Variants in SLC35F3 observed in about 807,000 individuals in gnomAD.
SLC35F3 encodes putative thiamine transporter SLC35F3.
In SLC35F3, 25 loss-of-function variants were observed where a neutral mutation model predicts 49.9. The observed-to-expected ratio is 0.50, with a 90% confidence interval of 0.37 to 0.70. The LOEUF (loss-of-function observed/expected upper bound fraction) is 0.70. Ranked by LOEUF, SLC35F3 falls within the 30% of genes least tolerant of loss-of-function variation. The pLI, the probability that SLC35F3 is intolerant of heterozygous loss-of-function variation, is 0.00. For synonymous variants in SLC35F3, 275 were observed against 265.4 expected (o/e 1.04, Z -0.35); for missense variants, 525 against 639.8 (o/e 0.82, Z 1.94).
intron 2 of SLC35F3, among the ~76,000 whole-genome samples, chr1:233,912,431 C>G (rs540494977): frequency 6.6e-6 from 1 of 152,004 alleles, no homozygotes; most frequent in Non-Finnish European, 1.5e-5. Context: ...GAGCCGAGAT[C>G]GTGCCACTGC....
intron 2 of SLC35F3, among the ~76,000 whole-genome samples, chr1:233,980,431 G>C (rs959237568): frequency 6.6e-6 from 1 of 152,180 alleles, no homozygotes; most frequent in African/African-American, 2.4e-5. Flanking sequence ...TCCGCATCAT[G>C]CTACTCCCAC....
chr1:234,077,957 G>A (rs1664821459), intron 2 of SLC35F3, among the ~76,000 whole-genome samples: 1 of 152,136 alleles, frequency 6.6e-6, no homozygotes, highest in Admixed American at 6.5e-5. Flanking sequence ...ATGTCAGGGA[G>A]GAATTACTTC....
chr1:234,302,111 T>C (rs1377978815), intron 3 of SLC35F3, among the ~76,000 whole-genome samples: 1 of 151,894 alleles, frequency 6.6e-6, no homozygotes, highest in Non-Finnish European at 1.5e-5. Flanking sequence ...GGCATGCATG[T>C]ACCTATGTAA....
intron 2 of SLC35F3, among the ~76,000 whole-genome samples, chr1:234,139,999 T>TAAAATAAAATAAAA (rs1299007462): frequency 2.7e-5 from 3 of 110,002 alleles, no homozygotes; most frequent in Non-Finnish European, 6.7e-5. Context: ...TAAAATAAAA[T>TAAAATAAAATAAAA]AAAGTAAGTG....
chr1:234,114,477 TACTATTAGTTTGAAGGG>T (rs1247926961), intron 2 of SLC35F3, among the ~76,000 whole-genome samples: 1 of 152,146 alleles, frequency 6.6e-6, no homozygotes, highest in Non-Finnish European at 1.5e-5. Context: ...TTTAATGGAG[TACTATTAGTTTGAAGGG>T]AGAATTGCAG....
intron 2 of SLC35F3, among the ~76,000 whole-genome samples, chr1:233,906,248 C>T (rs989884942): frequency 3.3e-5 from 5 of 152,208 alleles, no homozygotes; most frequent in South Asian, 4.2e-4. Flanking sequence ...TTTTGGATGC[C>T]GTTCACGCCC....
At chr1:233,983,398 C>A (rs1455028785) in intron 2 of SLC35F3, among the ~76,000 whole-genome samples, 1 of 152,112 alleles carries the variant, frequency 6.6e-6, no homozygotes, top group Admixed American at 6.6e-5. Context: ...AAATAATATC[C>A]TCCCTACAAA....
intron 2 of SLC35F3, among the ~76,000 whole-genome samples, chr1:234,125,023 G>C (rs1486086181): frequency 6.6e-6 from 1 of 152,168 alleles, no homozygotes; most frequent in African/African-American, 2.4e-5. Context: ...CCTTGTGCCA[G>C]ATTCTAGGCA....
At chr1:234,319,747 C>A (rs1373343744) in intron 6 of SLC35F3, among the ~76,000 whole-genome samples, 1 of 151,822 alleles carries the variant, frequency 6.6e-6, no homozygotes, top group Non-Finnish European at 1.5e-5. Context: ...AAACAAAAAA[C>A]AATTCCCAGA....
At chr1:234,272,213 A>G (rs12750607) in intron 3 of SLC35F3, 48,578 of 152,138 alleles carry the variant, frequency 0.32, 8,097 homozygotes, top group Non-Finnish European at 0.35. Flanking sequence ...TGGCCCTCCT[A>G]ATGGAATATT....
intron 2 of SLC35F3, among the ~76,000 whole-genome samples, chr1:234,123,566 T>C (rs1035779620): frequency 4.2e-5 from 6 of 141,776 alleles, no homozygotes; most frequent in Admixed American, 1.5e-4. Context: ...TGTGCCACCA[T>C]GCCTGGTTAA....
intron 2 of SLC35F3, among the ~76,000 whole-genome samples, chr1:234,016,882 G>T (rs74145773): frequency 6.6e-6 from 1 of 152,300 alleles, no homozygotes; most frequent in African/African-American, 2.4e-5. Context: ...CCAGGAGGAA[G>T]GGGGAGGCAG....
At chr1:234,281,617 A>G (rs1210892436) in intron 3 of SLC35F3, among the ~76,000 whole-genome samples, 1 of 152,246 alleles carries the variant, frequency 6.6e-6, no homozygotes, top group Non-Finnish European at 1.5e-5. Flanking sequence ...TTTAAAATAG[A>G]ATCCTGAGAC....
At chr1:233,932,045 A>G (rs76994440) in intron 2 of SLC35F3, among the ~76,000 whole-genome samples, 14,938 of 152,238 alleles carry the variant, frequency 0.098, 896 homozygotes, top group East Asian at 0.14. Flanking sequence ...TCACAAGAGC[A>G]GAAAACCAAA....
intron 3 of SLC35F3, among the ~76,000 whole-genome samples, chr1:234,235,342 CAG>C (rs1667448111): frequency 6.6e-6 from 1 of 152,194 alleles, no homozygotes; most frequent in Non-Finnish European, 1.5e-5. Context: ...GCCCAGAACT[CAG>C]AGAGGGCTTC....
intron 2 of SLC35F3, among the ~76,000 whole-genome samples, chr1:233,951,222 A>G (rs555006841): frequency 2.0e-5 from 3 of 151,320 alleles, no homozygotes; most frequent in Non-Finnish European, 2.9e-5. Flanking sequence ...ATGCTGCCAT[A>G]AGATTATACT....
chr1:234,306,884 G>A (rs1045602368), intron 3 of SLC35F3, among the ~76,000 whole-genome samples: 4 of 152,184 alleles, frequency 2.6e-5, no homozygotes, highest in South Asian at 2.1e-4. Context: ...TGTTTTTCAT[G>A]ACAGTGAGCC....
intron 2 of SLC35F3, among the ~76,000 whole-genome samples, chr1:233,922,337 A>G (rs1571980421): frequency 2.0e-5 from 3 of 152,066 alleles, no homozygotes; most frequent in African/African-American, 4.8e-5. Context: ...CGCCATTCTA[A>G]CTGGTGTGAG....
At position 234,266,922 on chromosome 1, in the gene SLC35F3, G is replaced by A. The variant is rs573693700; in HGVS notation, c.608+35181G>A. Among the ~76,000 whole-genome samples, 107 of 110,978 alleles carry A rather than the reference G, an allele frequency of 9.6e-4. 1 individual carries two copies. Among genetic ancestry groups the A allele is most frequent in the African/African-American group, 3.2e-3 (89 of 28,064 alleles). 72.8% of individuals were successfully genotyped at this position (110,978 alleles called of 152,430 possible). Reference sequence around the variant, plus strand: ...TATTGATCATTCTTGGGTGTTTCTCGCAGAGGGGGATTTGGCAGGGTCATA... The same window carrying A: ...TATTGATCATTCTTGGGTGTTTCTCACAGAGGGGGATTTGGCAGGGTCATA... On this transcript the variant is annotated intron_variant, in intron 3 of 7. Transcript: ENST00000366618.
Sources: allele counts gnomAD v4.1 joint callset (sites outside exome capture counted in the v4.1 genomes callset), GRCh38; gene constraint gnomAD v4.1.1; transcripts MANE v1.5; gene names NCBI Gene and HGNC (gene_info 2026-07-23, HGNC 2026-07-21).